The following ITFG1 variants were observed in gnomAD, a reference collection of about 807,000 sequenced individuals.
ITFG1 encodes T-cell immunomodulatory protein.
Under a neutral mutation model 81.8 loss-of-function variants are expected in ITFG1, and 34 were observed. The observed-to-expected ratio is 0.42, with a 90% CI of 0.32 to 0.55. The LOEUF (loss-of-function observed/expected upper bound fraction) is 0.55, where lower values mean the gene tolerates loss of function less well. ITFG1 is among the 20% of genes least tolerant of loss of function. The probability of loss-of-function intolerance (pLI) is 0.17; values close to 1 mark genes in which losing one functional copy is unlikely to be tolerated. For synonymous variants in ITFG1, 285 were observed against 270.6 expected (o/e 1.05, Z -0.52); for missense variants, 672 against 755.4 (o/e 0.89, Z 1.29).
At chr16:47,323,678 C>A (rs534821968) in intron 8 of ITFG1, among the ~76,000 whole-genome samples, 2 of 152,006 alleles carry the variant, frequency 1.3e-5, no homozygotes, top group African/African-American at 2.4e-5. Context: ...TTTTCCTGTT[C>A]TGAGATTCCC....
chr16:47,441,834 A>T (rs904616921), intron 5 of ITFG1, among the ~76,000 whole-genome samples: 1 of 152,160 alleles, frequency 6.6e-6, no homozygotes, highest in African/African-American at 2.4e-5. Flanking sequence ...GGCCAGGGCA[A>T]TCAGGCAGGA....
At position 47,446,802 on chromosome 16, in the gene ITFG1, T is replaced by C. The variant is rs191447499; in HGVS notation, c.560+4594A>G. Among the ~76,000 whole-genome samples the C allele has an allele frequency of 6.6e-5, 10 of 152,286 alleles. No individual in the cohort carries two copies. The East Asian group carries it at 1.7e-3, about 26-fold the overall frequency. On this transcript the variant is annotated intron_variant, in intron 5 of 17. Coordinates refer to ENST00000320640, the MANE Select transcript of ITFG1 (RefSeq NM_030790.5). ...TTCATTTCACCCTAAATTGAAATGG[T>C]AATAGATACTAATCTTACTCAAAGC...
chr16:47,390,661 T>C (rs1176338666), intron 6 of ITFG1, among the ~76,000 whole-genome samples: 1 of 152,090 alleles, frequency 6.6e-6, no homozygotes, highest in East Asian at 1.9e-4. Flanking sequence ...GGTTTCACCA[T>C]GTTGGCCAGG....
chr16:47,292,044 C>T (rs1013727050), intron 10 of ITFG1, among the ~76,000 whole-genome samples: 14 of 149,926 alleles, frequency 9.3e-5, no homozygotes, highest in Admixed American at 2.0e-4. Flanking sequence ...GATGGAGTTT[C>T]GCTCTTTCGT....
intron 10 of ITFG1, among the ~76,000 whole-genome samples, chr16:47,308,036 C>T (rs1967197807): frequency 6.6e-6 from 1 of 152,178 alleles, no homozygotes; most frequent in African/African-American, 2.4e-5. Context: ...TTTAAAAAAT[C>T]CAATCCACTA....
At chr16:47,167,763 T>C (rs1402140853) in intron 14 of ITFG1, among the ~76,000 whole-genome samples, 1 of 152,222 alleles carries the variant, frequency 6.6e-6, no homozygotes, top group Non-Finnish European at 1.5e-5. Flanking sequence ...TTCATCTCTT[T>C]TTATGGAAAA....
At chr16:47,155,810 G>A in intron 17 of ITFG1, 32 bp from the exon 18 acceptor site, 1 of 1,446,306 alleles carries the variant, frequency 6.9e-7, no homozygotes. Flanking sequence ...GTTTATAAAT[G>A]GTAGAAAGAT....
At chr16:47,359,329 T>C (rs966777566) in intron 8 of ITFG1, among the ~76,000 whole-genome samples, 3 of 152,180 alleles carry the variant, frequency 2.0e-5, no homozygotes, top group African/African-American at 7.2e-5. Context: ...AAACTTAACA[T>C]GTCCCAAACA....
At chr16:47,240,057 T>G (rs1965915938) in intron 12 of ITFG1, among the ~76,000 whole-genome samples, 1 of 150,384 alleles carries the variant, frequency 6.6e-6, no homozygotes, top group African/African-American at 2.5e-5. Flanking sequence ...TTTGGGAAGC[T>G]GAGGTGGGTG....
chr16:47,372,612 C>T (rs1468385120), intron 7 of ITFG1, among the ~76,000 whole-genome samples: 2 of 152,062 alleles, frequency 1.3e-5, no homozygotes, highest in African/African-American at 4.8e-5. Context: ...TGCCACCACA[C>T]CTAGCTAATT....
intron 6 of ITFG1, among the ~76,000 whole-genome samples, chr16:47,378,631 T>C (rs868498572): frequency 4.6e-5 from 7 of 152,224 alleles, no homozygotes; most frequent in Admixed American, 1.3e-4. Context: ...CTTTGAAAAG[T>C]AGTAAAGCTA....
chr16:47,455,959 T>A (rs1969447670), intron 2 of ITFG1, among the ~76,000 whole-genome samples: 1 of 151,820 alleles, frequency 6.6e-6, no homozygotes, highest in African/African-American at 2.4e-5. Flanking sequence ...ACAAAAAAAT[T>A]TTTCAAAGAA....
intron 6 of ITFG1, among the ~76,000 whole-genome samples, chr16:47,399,956 C>T (rs1341029605): frequency 6.6e-6 from 1 of 152,220 alleles, no homozygotes; most frequent in African/African-American, 2.4e-5. Context: ...AAGGAAATCA[C>T]AGCTAACCTT....
At chr16:47,277,885 T>C (rs1237063926) in intron 10 of ITFG1, among the ~76,000 whole-genome samples, 2 of 152,210 alleles carry the variant, frequency 1.3e-5, no homozygotes, top group Admixed American at 1.3e-4. Flanking sequence ...TTTCAGCTAT[T>C]ATATTTGGGA....
In ITFG1 at chr16:47,162,037, T is replaced by G. The variant is rs1449415283; in HGVS notation, c.1579-205A>C. On this transcript the variant is annotated intron_variant, in intron 15 of 17. Coordinates refer to ENST00000320640, the MANE Select transcript of ITFG1 (RefSeq NM_030790.5). ...TCTCATCTTTTTGGGAAAGATTATA[T>G]TTGTGTTTTATGAATTCATTCATTC... Among the ~76,000 whole-genome samples the G allele has an allele frequency of 2.6e-5, 4 of 152,210 alleles. No homozygotes were observed. The South Asian group carries it at 8.3e-4, about 31-fold the overall frequency.
intron 13 of ITFG1, among the ~76,000 whole-genome samples, chr16:47,219,188 A>G (rs1440658036): frequency 6.6e-6 from 1 of 152,196 alleles, no homozygotes; most frequent in African/African-American, 2.4e-5. Context: ...ATGATTTAAT[A>G]GTTGCAATTA....
intron 8 of ITFG1, among the ~76,000 whole-genome samples, chr16:47,356,239 A>C (rs1968038059): frequency 6.6e-6 from 1 of 152,212 alleles, no homozygotes; most frequent in South Asian, 2.1e-4. Flanking sequence ...ACTTGAGATA[A>C]ATGTAAAATA....
chr16:47,380,798 AAAC>A (rs1968386968), intron 6 of ITFG1, among the ~76,000 whole-genome samples: 1 of 152,216 alleles, frequency 6.6e-6, no homozygotes, highest in African/African-American at 2.4e-5. Flanking sequence ...ATGCTAATAG[AAAC>A]AACATAATGA....
intron 8 of ITFG1, among the ~76,000 whole-genome samples, chr16:47,347,299 G>A (rs1413828325): frequency 1.3e-5 from 2 of 152,248 alleles, no homozygotes; most frequent in Admixed American, 1.3e-4. Context: ...TCATAGCCAA[G>A]CAAAGCTGTG....
Sources: gnomAD v4.1 joint callset for allele counts (sites outside exome capture counted in the v4.1 genomes callset) on GRCh38, gnomAD v4.1.1 for gene constraint, MANE v1.5 for transcripts, NCBI Gene and HGNC (gene_info 2026-07-23, HGNC 2026-07-21) for gene names.